ARAP3: variants seen among roughly 807,000 people sequenced by gnomAD.
The protein encoded by ARAP3 is arf-GAP with Rho-GAP domain, ANK repeat and PH domain-containing protein 3.
In ARAP3, 82 loss-of-function variants were observed where a neutral mutation model predicts 169.2. That is an observed-to-expected ratio of 0.48 (90% CI 0.41 to 0.58). The LOEUF (loss-of-function observed/expected upper bound fraction) is 0.58. ARAP3 is among the 20% of genes least tolerant of loss of function. The pLI, the probability that ARAP3 is intolerant of heterozygous loss-of-function variation, is 0.00. For synonymous variants in ARAP3, 791 were observed against 800.3 expected (o/e 0.99, Z 0.20); for missense variants, 1,764 against 2,018.0 (o/e 0.87, Z 2.41).
chr5:141,682,070 G>C (rs1210565010), intron 1 of ARAP3, 103 bp downstream of exon 1: 1 of 152,566 alleles, frequency 6.6e-6, no homozygotes, highest in Non-Finnish European at 1.5e-5. Context: ...GGGATGGGGA[G>C]GGCCGCCGGC....
Position 141,672,998 on chromosome 5 carries a change from G to A in ARAP3, c.1093+15C>T. ...CCCTCCCTCCTGCCCTGACTCAGGGGGCTGTGGCCCTCACCCTCGCTCTCT... is the reference window on the plus strand; with the variant it reads ...CCCTCCCTCCTGCCCTGACTCAGGGAGCTGTGGCCCTCACCCTCGCTCTCT... On this transcript the variant is annotated intron_variant, in intron 7 of 32. Transcript: ENST00000239440. The surrounding 1 kb of genome is among the most constrained non-coding windows in gnomAD (Gnocchi z 4.9). 2.5e-6 allele frequency: 4 copies of A among 1,614,142 alleles called. No homozygotes were observed. The highest frequency in any genetic ancestry group is 3.4e-6 in the Non-Finnish European group (4 of 1,180,004).
chr5:141,671,317 C>T lies in ARAP3; in HGVS notation c.1938G>A (p.Glu646=), dbSNP rs763348623. Residue 646 remains glutamate (E), a synonymous_variant, in exon 13 of 33, where the codon GAG becomes GAA. Coordinates refer to ENST00000239440, the MANE Select transcript of ARAP3 (RefSeq NM_022481.6). The surrounding 1 kb of genome is among the most constrained non-coding windows in gnomAD (Gnocchi z 4.9). ...LLCVEAFEGE[E]PWFPPAPDGS... ...CATCAGGGGCTGGGGGGAACCAGGG[C>T]TCCTCGCCTTCAAAGGCCTCAACAC... 21 of 1,613,624 alleles carry T rather than the reference C, an allele frequency of 1.3e-5. No individual in the cohort carries two copies. In the Admixed American group the frequency reaches 1.5e-4, roughly 12 times the overall value.
chr5:141,661,743 A>C lies in ARAP3; in HGVS notation c.3060T>G (p.Ile1020Met), dbSNP rs774760084. 9 of 1,614,268 alleles carry C rather than the reference A, an allele frequency of 5.6e-6. No individual in the cohort carries two copies. Among genetic ancestry groups the C allele is most frequent in the Non-Finnish European group, 7.6e-6 (9 of 1,180,052 alleles). ...GGCGGTTGACCCGCGGCAGGCAGCC[A>C]ATCACATCTTTATATTTCTCCAGGC... Reference protein sequence around the residue: ...NQRLEKYKDVIGCLPRVNRRT... With the variant: ...NQRLEKYKDVMGCLPRVNRRT... The change falls in exon 21 of 33, where the codon ATT becomes ATG. Residue 1020 changes from isoleucine to methionine, a missense_variant. Transcript: ENST00000239440.
At position 141,671,461 on chromosome 5, in the gene ARAP3, T is replaced by G. The variant is rs1416894804; in HGVS notation, c.1855-61A>C. On this transcript the variant is annotated intron_variant, in intron 12 of 32. Transcript: ENST00000239440. The surrounding 1 kb of genome is among the most constrained non-coding windows in gnomAD (Gnocchi z 4.9). ...CCCAAACTGAGAGCACTGGGGACAG[T>G]CGTATCATCACTAAAAACAGTCCCC... 6.3e-7 allele frequency: 1 copy of G among 1,597,992 alleles called. No homozygotes were observed. The highest frequency in any genetic ancestry group is 1.3e-5 in the African/African-American group (1 of 74,548).
chr5:141,671,742 A>G lies in ARAP3; in HGVS notation c.1682T>C (p.Val561Ala). 6.3e-7 allele frequency: 1 copy of G among 1,599,472 alleles called. No homozygotes were observed. The highest frequency in any genetic ancestry group is 8.5e-7 in the Non-Finnish European group (1 of 1,172,130). Residue 561 changes from valine (V) to alanine (A), a missense_variant, in exon 12 of 33, where the codon GTC becomes GCC. By Grantham distance (64) the Val-to-Ala change is moderately conservative. Transcript: ENST00000239440. The surrounding 1 kb of genome is among the most constrained non-coding windows in gnomAD (Gnocchi z 4.9). ...GCGGTTGGCACGATCATTTCCCAGG[A>G]CAATGAATAACTGTGGGATGACAAG... is the stretch of plus-strand genomic sequence containing the variant. ...WSNEIVQLFI[V>A]LGNDRANRFW...
At chr5:141,679,166 G>A (rs2099912625) in intron 4 of ARAP3, among the ~76,000 whole-genome samples, 1 of 152,288 alleles carries the variant, frequency 6.6e-6, no homozygotes, top group Admixed American at 6.5e-5. Context: ...GCACGCACCT[G>A]TAATCCCAGC....
At position 141,670,474 on chromosome 5, in the gene ARAP3, C is replaced by A. The variant is rs2099911265; in HGVS notation, c.2107+38G>T. ...CAGTACCCTCACACCCATCCACTTT[C>A]TGTCCCTGTATCCTCCCATCCCTTG... On this transcript the variant is annotated intron_variant, in intron 14 of 32. Coordinates refer to ENST00000239440, the MANE Select transcript of ARAP3 (RefSeq NM_022481.6). 8.2e-6 allele frequency: 13 copies of A among 1,587,848 alleles called. No homozygotes were observed. In the East Asian group the frequency reaches 2.9e-4, roughly 36 times the overall value.
At chr5:141,675,832 C>T (rs2099912109) in intron 4 of ARAP3, among the ~76,000 whole-genome samples, 1 of 152,172 alleles carries the variant, frequency 6.6e-6, no homozygotes, top group Non-Finnish European at 1.5e-5. Context: ...TAAGAACCCC[C>T]ACAGACTCCC....
intron 16 of ARAP3, 93 bp from the exon 17 acceptor site, chr5:141,666,736 C>T (rs1446496948): frequency 1.8e-6 from 1 of 557,244 alleles, no homozygotes. Flanking sequence ...TAGCGAAAAG[C>T]AGAGAAAAAC....
At chr5:141,656,030 G>T in intron 29 of ARAP3, 34 bp downstream of exon 29, 1 of 1,614,088 alleles carries the variant, frequency 6.2e-7, no homozygotes, top group Non-Finnish European at 8.5e-7. Flanking sequence ...TGCAGAGGTG[G>T]GCCAGAGGAG....
rs746578897 is a variant in ARAP3, at chr5:141,654,401, T to A, written c.4184A>T (p.Gln1395Leu). ...GTACACAGGCTCCTCCAGCTCCTCTTGCTCCTCCACAGACCCCTGGGATGA... is the reference window on the plus strand; with the variant it reads ...GTACACAGGCTCCTCCAGCTCCTCTAGCTCCTCCACAGACCCCTGGGATGA... The part of the protein sequence containing the change: ...MKSSQGSVEE[Q>L]EELEEPVYEE... Residue 1395 changes from glutamine (Q) to leucine (L), a missense_variant, in exon 33 of 33, where the codon CAA (glutamine) becomes CTA (leucine). Physicochemically the swap from Gln to Leu is moderately radical, Grantham distance 113 (BLOSUM62 -2). Coordinates refer to ENST00000239440, the MANE Select transcript of ARAP3 (RefSeq NM_022481.6). 1 of 1,608,376 alleles carries A rather than the reference T, an allele frequency of 6.2e-7. No individual in the cohort carries two copies. The highest frequency in any genetic ancestry group is 1.7e-5 in the Admixed American group (1 of 59,788).
chr5:141,656,770 A>G lies in ARAP3; in HGVS notation c.3603T>C (p.Ala1201=), dbSNP rs7703648. The G allele has an allele frequency of 0.42, 681,073 of 1,610,496 alleles. 147,721 individuals carry two copies. Among genetic ancestry groups the G allele is most frequent in the African/African-American group, 0.66 (49,548 of 74,920 alleles). The part of the protein sequence containing the change: ...QWCQLPEPCS[A]SLLLKKVPLA... ...GGGGGACTTTTTTCAAGAGCAGGGAAGCTGAGCAGGGCTCTGGGAGCTGGC... is the reference window on the plus strand; with the variant it reads ...GGGGGACTTTTTTCAAGAGCAGGGAGGCTGAGCAGGGCTCTGGGAGCTGGC... The change falls in exon 26 of 33, where the codon GCT becomes GCC. Residue 1201 remains alanine (A), a synonymous_variant. Transcript: ENST00000239440.
At chr5:141,670,151 G>A in intron 14 of ARAP3, 88 bp from the exon 15 acceptor site, 2 of 1,503,544 alleles carry the variant, frequency 1.3e-6, no homozygotes, top group South Asian at 1.3e-5. Context: ...TCTGTGCCAA[G>A]CCCTTTGCCC....
chr5:141,659,977 C>G, intron 21 of ARAP3, 51 bp from the exon 22 acceptor site: 1 of 1,519,202 alleles, frequency 6.6e-7, no homozygotes. Flanking sequence ...ATTCAGCAAA[C>G]ACTTATTGAG....
At chr5:141,679,032 T>C (rs779971706) in intron 4 of ARAP3, among the ~76,000 whole-genome samples, 1 of 151,852 alleles carries the variant, frequency 6.6e-6, no homozygotes, top group African/African-American at 2.4e-5. Context: ...CTCATGCCTG[T>C]AATCCCAGCA....
Position 141,671,477 on chromosome 5 carries a change from A to G in ARAP3, c.1855-77T>C. Reference sequence around the variant, plus strand: ...TGGGGACAGTCGTATCATCACTAAAAACAGTCCCCACCACCCAAGTCTAGG... The same window carrying G: ...TGGGGACAGTCGTATCATCACTAAAGACAGTCCCCACCACCCAAGTCTAGG... On this transcript the variant is annotated intron_variant, in intron 12 of 32. Coordinates refer to ENST00000239440, the MANE Select transcript of ARAP3 (RefSeq NM_022481.6). The surrounding 1 kb of genome is among the most constrained non-coding windows in gnomAD (Gnocchi z 4.9). 6.2e-7 allele frequency: 1 copy of G among 1,600,934 alleles called. No individual in the cohort carries two copies. The highest frequency in any genetic ancestry group is 8.5e-7 in the Non-Finnish European group (1 of 1,173,946).
At chr5:141,670,458 C>T in intron 14 of ARAP3, 54 bp downstream of exon 14, 1 of 1,548,918 alleles carries the variant, frequency 6.5e-7, no homozygotes, top group South Asian at 1.1e-5. Context: ...GCAGTACCCT[C>T]ACACCCATCC....
chr5:141,661,899 C>T lies in ARAP3; in HGVS notation c.3014-110G>A, dbSNP rs912395911. 4 of 1,475,412 alleles carry T rather than the reference C, an allele frequency of 2.7e-6. No homozygotes were observed. In the African/African-American group the frequency reaches 4.2e-5, roughly 15 times the overall value. 91.4% of individuals were successfully genotyped at this position (1,475,412 alleles called of 1,614,324 possible). A position where few individuals can be genotyped will look rare whatever the true frequency, so the allele number is the denominator to read the frequency against. On this transcript the variant is annotated intron_variant, in intron 20 of 32. Transcript: ENST00000239440. ...ATGCAGGATGGATGTGTCTCTGCCC[C>T]CTTCCCACCTCCCCCTGAGCCAAGT... is the stretch of plus-strand genomic sequence containing the variant.
chr5:141,659,052 A>G (rs192057969), intron 23 of ARAP3, among the ~76,000 whole-genome samples: 2 of 152,258 alleles, frequency 1.3e-5, no homozygotes, highest in East Asian at 1.9e-4. Flanking sequence ...TATGTTTGCT[A>G]TTATATTTAT....
Sources: gnomAD v4.1 joint callset for allele counts (sites outside exome capture counted in the v4.1 genomes callset) on GRCh38, gnomAD v4.1.1 for gene constraint, Gnocchi (gnomAD v3.1) non-coding constraint, MANE v1.5 for transcripts, NCBI Gene and HGNC (gene_info 2026-07-23, HGNC 2026-07-21) for gene names.